Variants in AGBL4 observed in about 807,000 individuals in gnomAD.
The protein encoded by AGBL4 is cytosolic carboxypeptidase 6.
In AGBL4, 58 loss-of-function variants were observed where a neutral mutation model predicts 66.4. That is an observed-to-expected ratio of 0.87 (90% CI 0.71 to 1.09). The LOEUF is 1.09. Among genes scored for constraint, AGBL4 ranks in the 50% least tolerant of loss-of-function variants. The pLI is 0.00. For synonymous variants in AGBL4, 234 were observed against 222.9 expected (o/e 1.05, Z -0.44); for missense variants, 579 against 631.0 (o/e 0.92, Z 0.88).
intron 2 of AGBL4, among the ~76,000 whole-genome samples, chr1:49,850,742 ATAAT>A (rs1365149993): frequency 1.3e-5 from 2 of 152,152 alleles, no homozygotes; most frequent in Non-Finnish European, 2.9e-5. Flanking sequence ...ATGAAAATTA[ATAAT>A]TATTTGTAAA....
chr1:48,891,967 T>C (rs902829662), intron 5 of AGBL4, among the ~76,000 whole-genome samples: 1 of 150,608 alleles, frequency 6.6e-6, no homozygotes, highest in African/African-American at 2.4e-5. Context: ...ATTTATTTCC[T>C]AGGGCTGCCA....
chr1:49,969,281 A>G (rs754717604), intron 1 of AGBL4, among the ~76,000 whole-genome samples: 9 of 152,194 alleles, frequency 5.9e-5, no homozygotes, highest in Non-Finnish European at 1.3e-4. Context: ...TCATGAAACC[A>G]TCATCAAATC....
chr1:50,004,937 G>A (rs1283513343), intron 1 of AGBL4, among the ~76,000 whole-genome samples: 1 of 152,108 alleles, frequency 6.6e-6, no homozygotes, highest in African/African-American at 2.4e-5. Context: ...AGCCACAGTG[G>A]GGTACAGTAC....
At chr1:49,898,916 A>C (rs2148185144) in intron 1 of AGBL4, among the ~76,000 whole-genome samples, 1 of 152,300 alleles carries the variant, frequency 6.6e-6, no homozygotes, top group African/African-American at 2.4e-5. Flanking sequence ...GGAGCTAAAA[A>C]TTATACCAAA....
intron 3 of AGBL4, among the ~76,000 whole-genome samples, chr1:49,647,867 A>G (rs1253484608): frequency 6.6e-6 from 1 of 151,928 alleles, no homozygotes; most frequent in African/African-American, 2.4e-5. Context: ...AAAAAAAAAA[A>G]AAAACCTGAG....
At chr1:49,758,321 G>A (rs991092076) in intron 2 of AGBL4, among the ~76,000 whole-genome samples, 1 of 152,172 alleles carries the variant, frequency 6.6e-6, no homozygotes, top group Non-Finnish European at 1.5e-5. Flanking sequence ...AATGCAGAAG[G>A]TAAATGTGGG....
In AGBL4 at chr1:49,746,387, G is replaced by C. The variant is rs111814264; in HGVS notation, c.158-48950C>G. On this transcript the variant is annotated intron_variant, in intron 2 of 13. Transcript: ENST00000371839. ...CAACTCCTTCAACTACTCAACAAAT[G>C]TTTTGTTCTCATACATCCTCTTCTG... is the stretch of plus-strand genomic sequence containing the variant. Among the ~76,000 whole-genome samples the C allele has an allele frequency of 1.8e-3, 274 of 151,998 alleles. 3 individuals are homozygous for C. The highest frequency in any genetic ancestry group is 6.2e-3 in the African/African-American group (256 of 41,502).
chr1:48,803,363 C>T (rs1645851495), intron 6 of AGBL4, among the ~76,000 whole-genome samples: 1 of 152,220 alleles, frequency 6.6e-6, no homozygotes, highest in African/African-American at 2.4e-5. Context: ...CTCAAGCTTA[C>T]ACCAATCTCC....
chr1:49,877,238 G>C (rs1345189690), intron 1 of AGBL4, among the ~76,000 whole-genome samples: 2 of 150,926 alleles, frequency 1.3e-5, no homozygotes, highest in Non-Finnish European at 2.9e-5. Flanking sequence ...TCTTGTGCCG[G>C]TTTTCAAAGG....
intron 5 of AGBL4, among the ~76,000 whole-genome samples, chr1:48,938,424 G>T (rs539836481): frequency 4.6e-5 from 7 of 152,108 alleles, no homozygotes; most frequent in Admixed American, 3.9e-4. Flanking sequence ...TACTATAAAG[G>T]GGGGAACACA....
intron 1 of AGBL4, among the ~76,000 whole-genome samples, chr1:50,001,157 GTATA>G (rs149505436): frequency 6.7e-6 from 1 of 148,232 alleles, no homozygotes. Flanking sequence ...GACCACATGT[GTATA>G]TATATATATA....
chr1:49,627,852 C>T (rs1283294866), intron 3 of AGBL4, among the ~76,000 whole-genome samples: 2 of 152,146 alleles, frequency 1.3e-5, no homozygotes, highest in African/African-American at 4.8e-5. Flanking sequence ...TTCAGTTTAC[C>T]TGCTGAGGCA....
rs115856484 is a variant in AGBL4, at chr1:48,567,526, C to T, written c.1267+19478G>A. On this transcript the variant is annotated intron_variant, in intron 11 of 13. Transcript: ENST00000371839. ...ATAGCAGAGGCTGCTGAGAAGGACTCAGACACAGTGCTGCAGTCAATTGGG... is the reference window on the plus strand; with the variant it reads ...ATAGCAGAGGCTGCTGAGAAGGACTTAGACACAGTGCTGCAGTCAATTGGG... Among the ~76,000 whole-genome samples, 612 of 152,304 alleles carry T rather than the reference C, an allele frequency of 4.0e-3. 5 individuals carry two copies. Among genetic ancestry groups the T allele is most frequent in the African/African-American group, 0.014 (574 of 41,562 alleles).
At chr1:49,931,208 CTCTA>C (rs1225287144) in intron 1 of AGBL4, among the ~76,000 whole-genome samples, 2 of 151,932 alleles carry the variant, frequency 1.3e-5, no homozygotes, top group African/African-American at 4.8e-5. Context: ...CATACACTAT[CTCTA>C]TATTATAAAC....
intron 4 of AGBL4, among the ~76,000 whole-genome samples, chr1:49,120,367 C>T (rs182183564): frequency 6.2e-4 from 94 of 152,206 alleles, no homozygotes; most frequent in African/African-American, 2.2e-3. Flanking sequence ...TAAGGCAGGC[C>T]TGTTTGTGAC....
intron 5 of AGBL4, among the ~76,000 whole-genome samples, chr1:48,898,774 G>T (rs544317185): frequency 1.3e-5 from 2 of 152,132 alleles, no homozygotes; most frequent in East Asian, 3.9e-4. Context: ...GGCTATTTGG[G>T]GCTTTTACGG....
intron 11 of AGBL4, among the ~76,000 whole-genome samples, chr1:48,549,880 C>T (rs934265838): frequency 1.3e-5 from 2 of 151,776 alleles, no homozygotes; most frequent in African/African-American, 4.8e-5. Context: ...TGCAGAGAAG[C>T]ACAGCCGCAG....
chr1:48,754,829 A>G, intron 6 of AGBL4, among the ~76,000 whole-genome samples: 1 of 152,132 alleles, frequency 6.6e-6, no homozygotes, highest in South Asian at 2.1e-4. Context: ...CATGTTGGGA[A>G]AAATGAAGTC....
intron 3 of AGBL4, among the ~76,000 whole-genome samples, chr1:49,263,732 A>ACAT (rs1557782032): frequency 2.0e-5 from 3 of 152,198 alleles, no homozygotes; most frequent in Non-Finnish European, 4.4e-5. Flanking sequence ...TTAGAGGGGT[A>ACAT]CTTGACAATA....
Sources: gnomAD v4.1 joint callset for allele counts (sites outside exome capture counted in the v4.1 genomes callset) on GRCh38, gnomAD v4.1.1 for gene constraint, MANE v1.5 for transcripts, NCBI Gene and HGNC (gene_info 2026-07-23, HGNC 2026-07-21) for gene names.